Variants in EIF4G3 observed in about 807,000 individuals in gnomAD.
EIF4G3 encodes eukaryotic translation initiation factor 4 gamma 3.
EIF4G3 carries 34 observed loss-of-function variants against 186.4 expected under a neutral mutation model. The ratio of observed to expected loss-of-function variants is 0.18; its 90% CI spans 0.14 to 0.24. The LOEUF (loss-of-function observed/expected upper bound fraction) is 0.24, where lower values mean the gene tolerates loss of function less well. Ranked by LOEUF, EIF4G3 falls within the 10% of genes least tolerant of loss-of-function variation. EIF4G3 has a pLI of 1.00. For missense variants in EIF4G3, 1,536 were observed against 1,948.5 expected, an observed-to-expected ratio of 0.79 and a Z score of 3.99; for synonymous variants, 673 against 679.5, an observed-to-expected ratio of 0.99 and a Z score of 0.15.
At chr1:21,035,035 G>A (rs887669541) in intron 4 of EIF4G3, among the ~76,000 whole-genome samples, 1 of 152,102 alleles carries the variant, frequency 6.6e-6, no homozygotes, top group African/African-American at 2.4e-5. Context: ...GTGGCAAGGA[G>A]GCGGGACAGG....
At chr1:20,813,019 C>G (rs990174198) in intron 35 of EIF4G3, 139 bp downstream of exon 35, 4 of 596,576 alleles carry the variant, frequency 6.7e-6, no homozygotes, top group Non-Finnish European at 1.2e-5. Flanking sequence ...CCAGGCATCA[C>G]AGACAGAAAG....
intron 3 of EIF4G3, among the ~76,000 whole-genome samples, chr1:21,084,142 T>A (rs538664866): frequency 1.1e-4 from 16 of 151,936 alleles, no homozygotes; most frequent in African/African-American, 3.9e-4. Flanking sequence ...TATATCTAGA[T>A]TAAAATCCAA....
intron 19 of EIF4G3, 55 bp downstream of exon 19, chr1:20,886,146 T>C: frequency 6.5e-7 from 1 of 1,544,352 alleles, no homozygotes; most frequent in South Asian, 1.3e-5. Context: ...CAAAATAAGT[T>C]AAAACAAAAT....
intron 15 of EIF4G3, among the ~76,000 whole-genome samples, chr1:20,902,331 T>G (rs918351969): frequency 6.6e-6 from 1 of 152,130 alleles, no homozygotes; most frequent in African/African-American, 2.4e-5. Context: ...CAAAGTGCTG[T>G]GATTACAGGC....
At chr1:20,982,639 G>C (rs1287348845) in intron 7 of EIF4G3, among the ~76,000 whole-genome samples, 1 of 152,138 alleles carries the variant, frequency 6.6e-6, no homozygotes, top group Non-Finnish European at 1.5e-5. Context: ...GAAATCCAGT[G>C]GCAAAAATCC....
At chr1:20,970,062 C>T (rs2075518006) in intron 11 of EIF4G3, among the ~76,000 whole-genome samples, 1 of 152,024 alleles carries the variant, frequency 6.6e-6, no homozygotes, top group Admixed American at 6.5e-5. Context: ...CACCCAGGTT[C>T]AAGCGATTCT....
chr1:20,850,353 A>T lies in EIF4G3; in HGVS notation c.3773-823T>A, dbSNP rs186009462. On this transcript the variant is annotated intron_variant, in intron 28 of 36. Transcript: ENST00000602326. ...TTCAAAAGTATCTAGCACAGATTTT[A>T]AAAAAGCCATATGTCCCTAAAGCTG... Among the ~76,000 whole-genome samples the T allele has an allele frequency of 3.3e-5, 5 of 152,332 alleles. No homozygotes were observed. In the East Asian group the frequency reaches 5.8e-4, roughly 18 times the overall value.
chr1:20,864,789 CAGAA>C, intron 21 of EIF4G3, 77 bp from the exon 22 acceptor site: 1 of 1,213,134 alleles, frequency 8.2e-7, no homozygotes, highest in East Asian at 2.3e-5. Flanking sequence ...TTCATGGGGT[CAGAA>C]TCCCCGTGAG....
chr1:21,027,705 G>GTGTAC (rs2092316984), intron 4 of EIF4G3, among the ~76,000 whole-genome samples: 1 of 152,082 alleles, frequency 6.6e-6, no homozygotes. Flanking sequence ...ATGTAAAATA[G>GTGTAC]GTACAGCCAT....
chr1:21,030,908 G>A (rs907288114), intron 4 of EIF4G3, among the ~76,000 whole-genome samples: 13 of 152,104 alleles, frequency 8.5e-5, no homozygotes, highest in South Asian at 4.1e-4. Context: ...AGGATCAGCC[G>A]GGTGTGGTGG....
At chr1:21,145,081 C>A (rs193043857) in intron 2 of EIF4G3, among the ~76,000 whole-genome samples, 2 of 151,962 alleles carry the variant, frequency 1.3e-5, no homozygotes, top group Non-Finnish European at 1.5e-5. Context: ...AGTTAAGAGA[C>A]CAGCCTGGGC....
At chr1:20,887,930 G>T (rs1480637205) in intron 18 of EIF4G3, among the ~76,000 whole-genome samples, 1 of 152,050 alleles carries the variant, frequency 6.6e-6, no homozygotes, top group African/African-American at 2.4e-5. Flanking sequence ...CTTACTAAAT[G>T]GTTGGCTAAA....
chr1:21,088,933 GTCTC>G (rs749666208), intron 3 of EIF4G3, among the ~76,000 whole-genome samples: 24 of 152,168 alleles, frequency 1.6e-4, no homozygotes, highest in African/African-American at 5.8e-4. Flanking sequence ...AATAAGACAG[GTCTC>G]TCTATCTTAA....
intron 3 of EIF4G3, among the ~76,000 whole-genome samples, chr1:21,087,388 C>T (rs902515746): frequency 1.3e-5 from 2 of 152,170 alleles, no homozygotes; most frequent in South Asian, 2.1e-4. Context: ...TTTCGTAGGC[C>T]AAGGTGGGTG....
intron 3 of EIF4G3, among the ~76,000 whole-genome samples, chr1:21,075,570 C>CAAAAAAAAAAAAAAAAAAAAAAAAAAA (rs55649192): frequency 1.4e-4 from 7 of 51,556 alleles, no homozygotes; most frequent in Non-Finnish European, 1.6e-4. Flanking sequence ...CTCCAACTCA[C>CAAAAAAAAAAAAAAAAAAAAAAAAAAA]AAAAAAAAAA....
Position 20,810,814 on chromosome 1 carries a change from T to C in EIF4G3, c.4668A>G (p.Leu1556=), listed in dbSNP as rs770626199. 6.2e-7 allele frequency: 1 copy of C among 1,614,116 alleles called. No individual in the cohort carries two copies. The highest frequency in any genetic ancestry group is 8.5e-7 in the Non-Finnish European group (1 of 1,179,962). ...GCAGTTCCTTCTCTGTATCTGAGTC[T>C]AGGTACTTGAGTAAGATCGGCACTC... is the stretch of plus-strand genomic sequence containing the variant. ...KQRVPILLKY[L]DSDTEKELQA... The change falls in exon 36 of 37, where the codon CTA becomes CTG. Residue 1556 remains leucine (L), a synonymous_variant. Coordinates refer to ENST00000602326, the MANE Select transcript of EIF4G3 (RefSeq NM_001391906.1). This position sits in a 1 kb window ranked among gnomAD's most constrained non-coding sequence, Gnocchi z 4.1.
chr1:20,957,961 A>G (rs975242534), intron 12 of EIF4G3, among the ~76,000 whole-genome samples: 1 of 152,132 alleles, frequency 6.6e-6, no homozygotes, highest in Non-Finnish European at 1.5e-5. Flanking sequence ...GCTAAATTCT[A>G]CCAGACATTC....
intron 14 of EIF4G3, among the ~76,000 whole-genome samples, chr1:20,933,183 G>A (rs2095394266): frequency 6.6e-6 from 1 of 152,200 alleles, no homozygotes; most frequent in Non-Finnish European, 1.5e-5. Flanking sequence ...TGAAAGAGGA[G>A]TGACAAAGCT....
chr1:21,007,486 T>A (rs1256456320), intron 4 of EIF4G3, among the ~76,000 whole-genome samples: 1 of 118,364 alleles, frequency 8.4e-6, no homozygotes, highest in Non-Finnish European at 1.7e-5. Flanking sequence ...GAGCTCACTA[T>A]GTGAATATAT....
Sources: gnomAD v4.1 joint callset for allele counts (sites outside exome capture counted in the v4.1 genomes callset) on GRCh38, gnomAD v4.1.1 for gene constraint, Gnocchi (gnomAD v3.1) non-coding constraint, MANE v1.5 for transcripts, NCBI Gene and HGNC (gene_info 2026-07-23, HGNC 2026-07-21) for gene names.